MAST4: variants seen among roughly 807,000 people sequenced by gnomAD.
MAST4 encodes microtubule-associated serine/threonine-protein kinase 4.
In MAST4, 89 loss-of-function variants were observed where a neutral mutation model predicts 162.7. That is an observed-to-expected ratio of 0.55 (90% CI 0.46 to 0.65). The LOEUF (loss-of-function observed/expected upper bound fraction) is 0.65. Among genes scored for constraint, MAST4 ranks in the 30% least tolerant of loss-of-function variants. The pLI, the probability that MAST4 is intolerant of heterozygous loss-of-function variation, is 0.00. For synonymous variants in MAST4, 1,479 were observed against 1,361.1 expected, an observed-to-expected ratio of 1.09 and a Z score of -1.91; for missense variants, 3,153 against 3,374.0, an observed-to-expected ratio of 0.93 and a Z score of 1.62.
intron 4 of MAST4, among the ~76,000 whole-genome samples, chr5:67,028,610 AG>A (rs1754951450): frequency 6.6e-6 from 1 of 152,164 alleles, no homozygotes; most frequent in Admixed American, 6.5e-5. Flanking sequence ...GAGTGATTAG[AG>A]TGAAGAAGAA....
At chr5:67,066,361 T>C (rs959918303) in intron 5 of MAST4, among the ~76,000 whole-genome samples, 1 of 151,306 alleles carries the variant, frequency 6.6e-6, no homozygotes, top group Non-Finnish European at 1.5e-5. Flanking sequence ...TTTGAATGTA[T>C]GTCTGTGCAT....
chr5:66,803,829 T>A (rs1756041103), intron 3 of MAST4, among the ~76,000 whole-genome samples: 1 of 152,124 alleles, frequency 6.6e-6, no homozygotes, highest in Non-Finnish European at 1.5e-5. Context: ...TTTCACTAAT[T>A]AGGACTTCCA....
chr5:66,992,890 T>G lies in MAST4; in HGVS notation c.675-61514T>G, dbSNP rs1750209998. 2.6e-5 allele frequency among the ~76,000 whole-genome samples: 4 copies of G among 152,194 alleles called. No individual in the cohort carries two copies. In the South Asian group the frequency reaches 8.3e-4, roughly 31 times the overall value. On this transcript the variant is annotated intron_variant, in intron 4 of 28. Transcript: ENST00000403625. The stretch of plus-strand genomic sequence containing the variant: ...GATTGCAAACCTTGAGCACTGTTGA[T>G]GTAGCACTCTTGATTCTCATCTTTT...
chr5:66,829,340 G>A (rs576378641), intron 3 of MAST4, among the ~76,000 whole-genome samples: 8 of 152,198 alleles, frequency 5.3e-5, no homozygotes, highest in Admixed American at 1.3e-4. Flanking sequence ...AATTTTCCCC[G>A]TCAGTGAAAT....
intron 3 of MAST4, among the ~76,000 whole-genome samples, chr5:66,844,485 G>A (rs1477191567): frequency 6.6e-6 from 1 of 152,004 alleles, no homozygotes; most frequent in African/African-American, 2.4e-5. Flanking sequence ...AAGTGTTTTA[G>A]CTCTATGGGG....
chr5:67,142,878 T>A, intron 21 of MAST4: 1 of 182,590 alleles, frequency 5.5e-6, no homozygotes, highest in Non-Finnish European at 1.1e-5. Context: ...GGCATAGCCT[T>A]GCACCCACAG....
At chr5:67,059,690 A>G (rs925411143) in intron 5 of MAST4, among the ~76,000 whole-genome samples, 6 of 152,268 alleles carry the variant, frequency 3.9e-5, no homozygotes, top group African/African-American at 1.4e-4. Flanking sequence ...GGCTACTTTG[A>G]TGTATTTTTA....
chr5:66,943,745 C>T (rs16896033), intron 4 of MAST4, among the ~76,000 whole-genome samples: 11,160 of 151,890 alleles, frequency 0.073, 1,268 homozygotes, highest in African/African-American at 0.25. Context: ...GTGTGTTCAG[C>T]GAAAAAAAGT....
In MAST4 at chr5:67,165,401, G is replaced by A. The variant is rs1288916061; in HGVS notation, c.6222G>A (p.Lys2074=). ...TTCCCTGTGAGAAGGAGCTGGGCAA[G>A]GTGAGGCGTGGCGTGGAACCCAAGC... ...AGIPCEKELG[K]VRRGVEPKPE... The change falls in exon 29 of 29, where the codon AAG becomes AAA. Residue 2074 remains lysine, a synonymous_variant. Coordinates refer to ENST00000403625, the MANE Select transcript of MAST4 (RefSeq NM_001164664.2). 2 of 1,613,862 alleles carry A rather than the reference G, an allele frequency of 1.2e-6. No individual in the cohort carries two copies. Among genetic ancestry groups the A allele is most frequent in the Non-Finnish European group, 8.5e-7 (1 of 1,179,884 alleles).
intron 19 of MAST4, among the ~76,000 whole-genome samples, chr5:67,137,178 G>T (rs539760678): frequency 8.5e-5 from 13 of 152,294 alleles, no homozygotes; most frequent in African/African-American, 3.1e-4. Context: ...ATGCTGTCCT[G>T]TCACAGTGAT....
At chr5:67,063,533 T>G (rs536830927) in intron 5 of MAST4, among the ~76,000 whole-genome samples, 3 of 152,316 alleles carry the variant, frequency 2.0e-5, no homozygotes, top group South Asian at 2.1e-4. Context: ...GATTTAGATT[T>G]TTATTCTCTC....
At chr5:66,632,993 T>G (rs1460323765) in intron 1 of MAST4, among the ~76,000 whole-genome samples, 1 of 152,302 alleles carries the variant, frequency 6.6e-6, no homozygotes, top group East Asian at 1.9e-4. Context: ...TAATTTATGT[T>G]AATTTTCTGG....
intron 2 of MAST4, among the ~76,000 whole-genome samples, chr5:66,764,599 G>A (rs1461720163): frequency 6.6e-6 from 1 of 151,874 alleles, no homozygotes; most frequent in Non-Finnish European, 1.5e-5. Context: ...CTAGGCTAAT[G>A]TGTTTGTGTC....
At chr5:66,779,451 G>A (rs1754752757) in intron 2 of MAST4, among the ~76,000 whole-genome samples, 1 of 144,572 alleles carries the variant, frequency 6.9e-6, no homozygotes, top group African/African-American at 2.6e-5. Flanking sequence ...AGGAGTCAGT[G>A]AACTTCTGCA....
intron 15 of MAST4, among the ~76,000 whole-genome samples, chr5:67,131,094 C>T (rs1178490462): frequency 3.3e-5 from 5 of 151,956 alleles, no homozygotes; most frequent in African/African-American, 9.7e-5. Context: ...ATTAGATATC[C>T]TTTTAGTTTA....
At position 67,078,923 on chromosome 5, in the gene MAST4, TA is replaced by T. The variant is rs1464944228; in HGVS notation, c.764-11238del. ...ATATTTTTATATAAATATATATATATATATATATATATATATATATATATAT... is the reference window on the plus strand; with the variant it reads ...ATATTTTTATATAAATATATATATATTATATATATATATATATATATATAT... On this transcript the variant is annotated intron_variant, in intron 5 of 28. Coordinates refer to ENST00000403625, the MANE Select transcript of MAST4 (RefSeq NM_001164664.2). Among the ~76,000 whole-genome samples, 379 of 81,732 alleles carry T rather than the reference TA, an allele frequency of 4.6e-3. 15 individuals carry two copies. Among genetic ancestry groups the T allele is most frequent in the African/African-American group, 0.018 (292 of 15,848 alleles). The allele number at this position is 81,732 out of a possible 152,430, so 53.6% of individuals were successfully genotyped here.
chr5:67,071,920 A>G (rs1038629157), intron 5 of MAST4, among the ~76,000 whole-genome samples: 1 of 150,684 alleles, frequency 6.6e-6, no homozygotes, highest in Non-Finnish European at 1.5e-5. Context: ...AGCAATATAG[A>G]TCTAGAACTC....
intron 3 of MAST4, among the ~76,000 whole-genome samples, chr5:66,822,903 G>T (rs748023181): frequency 2.0e-5 from 3 of 152,154 alleles, no homozygotes; most frequent in Non-Finnish European, 4.4e-5. Flanking sequence ...ACCAAGGTTG[G>T]TATCTTATCC....
At chr5:67,072,161 A>G (rs1761073518) in intron 5 of MAST4, among the ~76,000 whole-genome samples, 1 of 152,230 alleles carries the variant, frequency 6.6e-6, no homozygotes, top group African/African-American at 2.4e-5. Flanking sequence ...CCAGCAAGGA[A>G]TTAAAAAATT....
Sources: allele counts gnomAD v4.1 joint callset (sites outside exome capture counted in the v4.1 genomes callset), GRCh38; gene constraint gnomAD v4.1.1; transcripts MANE v1.5; gene names NCBI Gene and HGNC (gene_info 2026-07-23, HGNC 2026-07-21).